Variants in KCNJ3 observed in about 807,000 individuals in gnomAD.
The protein encoded by KCNJ3 is potassium inwardly rectifying channel subfamily J member 3.
KCNJ3 carries 4 observed loss-of-function variants against 39.2 expected under a neutral mutation model. The observed-to-expected ratio is 0.10, with a 90% CI of 0.05 to 0.23. The LOEUF (loss-of-function observed/expected upper bound fraction) is 0.23. KCNJ3 is among the 10% of genes least tolerant of loss of function. KCNJ3 has a pLI of 1.00. For missense variants in KCNJ3, 276 were observed against 634.9 expected, an observed-to-expected ratio of 0.43 and a Z score of 6.08; for synonymous variants, 230 against 237.4, an observed-to-expected ratio of 0.97 and a Z score of 0.29.
intron 1 of KCNJ3, among the ~76,000 whole-genome samples, chr2:154,708,454 C>G (rs2105150536): frequency 6.6e-6 from 1 of 152,176 alleles, no homozygotes; most frequent in Non-Finnish European, 1.5e-5. Context: ...TTGGGCAGAC[C>G]AGTCTTACAG....
intron 2 of KCNJ3, among the ~76,000 whole-genome samples, chr2:154,747,788 G>C (rs899260141): frequency 6.6e-5 from 10 of 152,032 alleles, no homozygotes; most frequent in African/African-American, 2.4e-4. Context: ...CCAGATAAAG[G>C]CCTGTTGTTT....
intron 2 of KCNJ3, among the ~76,000 whole-genome samples, chr2:154,719,088 C>T (rs1685226451): frequency 6.6e-6 from 1 of 152,130 alleles, no homozygotes; most frequent in Admixed American, 6.6e-5. Flanking sequence ...GTATCATAAT[C>T]TCATGGGATT....
chr2:154,768,058 T>A (rs1227065162), intron 2 of KCNJ3, among the ~76,000 whole-genome samples: 1 of 152,220 alleles, frequency 6.6e-6, no homozygotes, highest in Admixed American at 6.5e-5. Context: ...GTAAATTTGT[T>A]TAAGTTCTTT....
Position 154,858,052 on chromosome 2 carries a change from T to C in KCNJ3, c.*2739T>C, listed in dbSNP as rs575145501. 1 of 152,252 alleles carries C rather than the reference T, an allele frequency of 6.6e-6. No homozygotes were observed. The highest frequency in any genetic ancestry group is 1.5e-5 in the Non-Finnish European group (1 of 68,016). The allele number at this position is 152,252 out of a possible 1,614,324, so 9.4% of individuals were successfully genotyped here. A position where few individuals can be genotyped will look rare whatever the true frequency, so the allele number is the denominator to read the frequency against. On this transcript the variant is annotated 3_prime_UTR_variant, in exon 3 of 3. Coordinates refer to ENST00000295101, the MANE Select transcript of KCNJ3 (RefSeq NM_002239.4). Reference sequence around the variant, plus strand: ...AGAAATCTATCTCATGAGAAAGTGCTACTGTTGTCAAAATTACCTTATCTG... The same window carrying C: ...AGAAATCTATCTCATGAGAAAGTGCCACTGTTGTCAAAATTACCTTATCTG...
chr2:154,791,984 G>C (rs1230960671), intron 2 of KCNJ3, among the ~76,000 whole-genome samples: 4 of 152,014 alleles, frequency 2.6e-5, no homozygotes, highest in Non-Finnish European at 5.9e-5. Context: ...AGTAAAAGTG[G>C]GTGTTTTGTC....
intron 2 of KCNJ3, among the ~76,000 whole-genome samples, chr2:154,772,536 G>T (rs989613650): frequency 1.3e-5 from 2 of 151,958 alleles, no homozygotes; most frequent in Non-Finnish European, 2.9e-5. Context: ...TTTTAATGTT[G>T]GTTTTGTTCT....
rs148662231 is a variant in KCNJ3, at chr2:154,798,350, A to G, written c.920-56377A>G. Among the ~76,000 whole-genome samples the G allele has an allele frequency of 2.9e-4, 44 of 152,186 alleles. No homozygotes were observed. In the East Asian group the frequency reaches 8.3e-3, roughly 29 times the overall value. On this transcript the variant is annotated intron_variant, in intron 2 of 2. Transcript: ENST00000295101. ...TCAAATATGTCAACTCTTCCCAAAT[A>G]CATGTAAAATTGAGTGCAATCTCAA...
chr2:154,779,637 G>A (rs577228877), intron 2 of KCNJ3, among the ~76,000 whole-genome samples: 12 of 151,050 alleles, frequency 7.9e-5, no homozygotes, highest in South Asian at 2.1e-4. Flanking sequence ...TCCACCTCCC[G>A]GGTTCAAGTG....
chr2:154,726,830 CACACAT>C (rs914351704), intron 2 of KCNJ3, among the ~76,000 whole-genome samples: 1 of 143,848 alleles, frequency 7.0e-6, no homozygotes, highest in Non-Finnish European at 1.5e-5. Context: ...CACACACACA[CACACAT>C]ACACCATGGA....
intron 2 of KCNJ3, among the ~76,000 whole-genome samples, chr2:154,755,431 A>G (rs1358663064): frequency 6.6e-6 from 1 of 151,684 alleles, no homozygotes; most frequent in Non-Finnish European, 1.5e-5. Context: ...AAATATTTTA[A>G]TGTTTTACAA....
At chr2:154,817,518 G>A (rs1687104140) in intron 2 of KCNJ3, among the ~76,000 whole-genome samples, 1 of 152,122 alleles carries the variant, frequency 6.6e-6, no homozygotes, top group Non-Finnish European at 1.5e-5. Context: ...TCTCTAATGA[G>A]TGATCAAACT....
chr2:154,843,960 G>A (rs922807490), intron 2 of KCNJ3, among the ~76,000 whole-genome samples: 3 of 152,120 alleles, frequency 2.0e-5, no homozygotes, highest in South Asian at 2.1e-4. Flanking sequence ...CGTCAAAGTC[G>A]TTCTCCATCC....
chr2:154,709,237 A>G (rs916489022), intron 1 of KCNJ3: 2 of 214,524 alleles, frequency 9.3e-6, no homozygotes, highest in Non-Finnish European at 1.9e-5. Flanking sequence ...CTGTGTTGAG[A>G]AAAAAAATAT....
intron 2 of KCNJ3, among the ~76,000 whole-genome samples, chr2:154,794,661 A>G (rs1169963761): frequency 6.6e-6 from 1 of 152,026 alleles, no homozygotes; most frequent in East Asian, 1.9e-4. Flanking sequence ...TCAAAGTCAT[A>G]ATGAATCTCA....
In KCNJ3 at chr2:154,725,306, A is replaced by G. The variant is rs1685334705; in HGVS notation, c.919+15487A>G. Among the ~76,000 whole-genome samples the G allele has an allele frequency of 4.0e-5, 6 of 149,474 alleles. 1 individual carries two copies. The South Asian group carries it at 1.3e-3, about 31-fold the overall frequency. ...TACTTTCTATTTTTTATATCTCGCC[A>G]TTCTTCACCAACTACCCAGATGTTT... On this transcript the variant is annotated intron_variant, in intron 2 of 2. Transcript: ENST00000295101.
chr2:154,806,024 C>G (rs1176906233), intron 2 of KCNJ3, among the ~76,000 whole-genome samples: 1 of 152,104 alleles, frequency 6.6e-6, no homozygotes, highest in Non-Finnish European at 1.5e-5. Context: ...TGCTTTTTGT[C>G]AAATTATAAA....
intron 2 of KCNJ3, among the ~76,000 whole-genome samples, chr2:154,742,535 C>T (rs760788042): frequency 1.3e-5 from 2 of 151,804 alleles, no homozygotes; most frequent in Middle Eastern, 3.2e-3. Flanking sequence ...TTCACCAGCA[C>T]TTGTTATTGT....
intron 2 of KCNJ3, among the ~76,000 whole-genome samples, chr2:154,829,484 T>C (rs952448444): frequency 3.9e-5 from 6 of 152,204 alleles, no homozygotes; most frequent in Non-Finnish European, 5.9e-5. Context: ...AGCTGTGTAG[T>C]ATTCCATGAT....
intron 2 of KCNJ3, among the ~76,000 whole-genome samples, chr2:154,757,925 C>T (rs1169182789): frequency 6.6e-6 from 1 of 152,112 alleles, no homozygotes; most frequent in Non-Finnish European, 1.5e-5. Flanking sequence ...CCTCCTAATA[C>T]AATCAAATTG....
Sources: allele counts gnomAD v4.1 joint callset (sites outside exome capture counted in the v4.1 genomes callset), GRCh38; gene constraint gnomAD v4.1.1; transcripts MANE v1.5; gene names NCBI Gene and HGNC (gene_info 2026-07-23, HGNC 2026-07-21).